The following LRP1B variants were observed in gnomAD, a reference collection of about 807,000 sequenced individuals.
The protein encoded by LRP1B is LDL receptor related protein 1B, also known as low-density lipoprotein receptor-related protein 1B.
In LRP1B, 217 loss-of-function variants were observed where a neutral mutation model predicts 556.6. That is an observed-to-expected ratio of 0.39 (90% CI 0.35 to 0.44). The LOEUF (loss-of-function observed/expected upper bound fraction) is 0.44, where lower values mean the gene tolerates loss of function less well. Among genes scored for constraint, LRP1B ranks in the 20% least tolerant of loss-of-function variants. The pLI, the probability that LRP1B is intolerant of heterozygous loss-of-function variation, is 1.00. For synonymous variants in LRP1B, 2,047 were observed against 1,865.8 expected (o/e 1.10, Z -2.50); for missense variants, 5,053 against 5,620.8 (o/e 0.90, Z 3.23).
At chr2:141,848,567 A>G (rs926187423) in intron 1 of LRP1B, among the ~76,000 whole-genome samples, 2 of 151,590 alleles carry the variant, frequency 1.3e-5, no homozygotes, top group Non-Finnish European at 3.0e-5. Context: ...CATCTTAAAA[A>G]TAAAATACAG....
At chr2:140,686,430 A>G (rs547126965) in intron 41 of LRP1B, among the ~76,000 whole-genome samples, 63 of 152,086 alleles carry the variant, frequency 4.1e-4, no homozygotes, top group Non-Finnish European at 8.2e-4. Context: ...AAGATTGATA[A>G]GAAAAGTAGT....
At chr2:141,532,774 T>A (rs1296535994) in intron 2 of LRP1B, among the ~76,000 whole-genome samples, 2 of 152,012 alleles carry the variant, frequency 1.3e-5, no homozygotes, top group Non-Finnish European at 2.9e-5. Context: ...TCACCTGAGG[T>A]CAGGAGGTTG....
chr2:140,918,186 TTG>T (rs61561343), intron 21 of LRP1B, among the ~76,000 whole-genome samples: 79,740 of 147,524 alleles, frequency 0.54, 21,455 homozygotes, highest in South Asian at 0.63. Flanking sequence ...GATTTCTATT[TTG>T]TGTGTGTGTG....
chr2:141,121,430 A>G (rs950280311), intron 7 of LRP1B, among the ~76,000 whole-genome samples: 1 of 151,994 alleles, frequency 6.6e-6, no homozygotes, highest in African/African-American at 2.4e-5. Context: ...CCCCTGAGCT[A>G]TAGGGCCATT....
chr2:142,093,656 T>G (rs1706256078), intron 1 of LRP1B, among the ~76,000 whole-genome samples: 2 of 151,988 alleles, frequency 1.3e-5, no homozygotes, highest in African/African-American at 4.8e-5. Context: ...AGTGTGCATG[T>G]GCGTGGGTTT....
chr2:142,023,923 A>G (rs951197487), intron 1 of LRP1B, among the ~76,000 whole-genome samples: 65 of 152,272 alleles, frequency 4.3e-4, no homozygotes, highest in African/African-American at 1.5e-3. Context: ...ATATAATACT[A>G]CTACTTATTT....
intron 7 of LRP1B, among the ~76,000 whole-genome samples, chr2:141,118,048 C>T (rs1259027537): frequency 4.0e-5 from 6 of 151,834 alleles, no homozygotes; most frequent in East Asian, 1.9e-4. Context: ...AAGCCTGGTA[C>T]ATTATTCTTG....
intron 3 of LRP1B, among the ~76,000 whole-genome samples, chr2:141,373,247 A>C (rs959451870): frequency 1.3e-5 from 2 of 152,012 alleles, no homozygotes; most frequent in African/African-American, 2.4e-5. Context: ...AATTTTTAAA[A>C]ATTTTTTGTG....
chr2:140,963,009 A>G (rs1174433800), intron 18 of LRP1B, among the ~76,000 whole-genome samples: 1 of 152,176 alleles, frequency 6.6e-6, no homozygotes, highest in Non-Finnish European at 1.5e-5. Context: ...TAGACCTTAC[A>G]TATGCTGTAA....
At chr2:140,938,168 A>T (rs946867168) in intron 20 of LRP1B, among the ~76,000 whole-genome samples, 2 of 151,922 alleles carry the variant, frequency 1.3e-5, no homozygotes, top group African/African-American at 4.8e-5. Context: ...ACAATAAAAT[A>T]ACTGAACTAA....
intron 43 of LRP1B, among the ~76,000 whole-genome samples, chr2:140,579,253 C>T (rs561382772): frequency 2.0e-5 from 3 of 152,246 alleles, no homozygotes; most frequent in African/African-American, 7.2e-5. Flanking sequence ...CATTTGCTTT[C>T]ACCTTCCCCA....
rs145885060 is a variant in LRP1B at position 141,709,607 on chromosome 2, G to A, written c.205+100672C>T. On this transcript the variant is annotated intron_variant, in intron 2 of 90. Transcript: ENST00000389484. ...ATTGAGATAGAAAAAGTATTAAGAC[G>A]TATGAGTAAGTTAGAAATGTGTACA... is the stretch of plus-strand genomic sequence containing the variant. 1.9e-3 allele frequency among the ~76,000 whole-genome samples: 285 copies of A among 152,178 alleles called. 2 individuals are homozygous for A. The highest frequency in any genetic ancestry group is 6.3e-3 in the African/African-American group (260 of 41,528).
At chr2:141,115,327 G>T (rs1315661177) in intron 7 of LRP1B, among the ~76,000 whole-genome samples, 3 of 152,070 alleles carry the variant, frequency 2.0e-5, no homozygotes, top group African/African-American at 7.2e-5. Context: ...AATAGACAAG[G>T]ATTCAATAAA....
At chr2:140,262,079 A>T (rs185811790) in intron 86 of LRP1B, among the ~76,000 whole-genome samples, 9 of 152,100 alleles carry the variant, frequency 5.9e-5, no homozygotes, top group Admixed American at 5.9e-4. Context: ...AAAAAAAAAG[A>T]TCAGAAGAAA....
At chr2:140,360,242 C>T (rs568890128) in intron 72 of LRP1B, among the ~76,000 whole-genome samples, 14 of 151,672 alleles carry the variant, frequency 9.2e-5, no homozygotes, top group Non-Finnish European at 1.6e-4. Flanking sequence ...TCCCTTGTCC[C>T]TCTCAATATT....
At chr2:141,581,833 A>G (rs1574103198) in intron 2 of LRP1B, among the ~76,000 whole-genome samples, 1 of 152,178 alleles carries the variant, frequency 6.6e-6, no homozygotes, top group Non-Finnish European at 1.5e-5. Flanking sequence ...TGGCTTTATA[A>G]CTATTCTTAG....
chr2:141,382,945 A>C (rs555809652), intron 3 of LRP1B, among the ~76,000 whole-genome samples: 35 of 152,322 alleles, frequency 2.3e-4, no homozygotes, highest in African/African-American at 7.0e-4. Context: ...CAACTTAAAG[A>C]ATGAGAAAAA....
At chr2:140,267,994 T>A (rs1480281343) in intron 86 of LRP1B, among the ~76,000 whole-genome samples, 1 of 151,894 alleles carries the variant, frequency 6.6e-6, no homozygotes, top group Non-Finnish European at 1.5e-5. Context: ...TTTATTCTGG[T>A]AATACAGGTA....
intron 21 of LRP1B, among the ~76,000 whole-genome samples, chr2:140,909,932 A>C (rs1694366862): frequency 6.6e-6 from 1 of 151,248 alleles, no homozygotes; most frequent in African/African-American, 2.4e-5. Flanking sequence ...AAATTCTACA[A>C]AAAATCTGAA....
Sources: allele counts gnomAD v4.1 joint callset (sites outside exome capture counted in the v4.1 genomes callset), GRCh38; gene constraint gnomAD v4.1.1; transcripts MANE v1.5; gene names NCBI Gene and HGNC (gene_info 2026-07-23, HGNC 2026-07-21).